Variants in ZNF282 observed in about 807,000 individuals in gnomAD.
ZNF282 encodes the protein zinc finger protein 282.
In ZNF282, 30 loss-of-function variants were observed where a neutral mutation model predicts 61.9. The ratio of observed to expected loss-of-function variants is 0.48; its 90% confidence interval spans 0.36 to 0.66. ZNF282 has a LOEUF of 0.66. ZNF282 is among the 30% of genes least tolerant of loss of function. The probability of loss-of-function intolerance (pLI) is 0.00; values close to 1 mark genes in which losing one functional copy is unlikely to be tolerated. For synonymous variants in ZNF282, 396 were observed against 405.0 expected (o/e 0.98, Z 0.27); for missense variants, 788 against 941.4 (o/e 0.84, Z 2.13).
intron 3 of ZNF282, 140 bp from the exon 4 acceptor site, chr7:149,207,211 G>T (rs562012127): frequency 9.5e-7 from 1 of 1,056,612 alleles, no homozygotes; most frequent in Admixed American, 3.8e-5. Flanking sequence ...CAGATTACCC[G>T]CCTAACTCGC....
chr7:149,201,804 A>C (rs1165892775), intron 2 of ZNF282, among the ~76,000 whole-genome samples: 1 of 152,046 alleles, frequency 6.6e-6, no homozygotes, highest in African/African-American at 2.4e-5. Context: ...ATTAGAATAA[A>C]AGCCCATGTC....
intron 7 of ZNF282, among the ~76,000 whole-genome samples, chr7:149,219,552 G>A (rs1276755772): frequency 6.6e-6 from 1 of 152,114 alleles, no homozygotes; most frequent in African/African-American, 2.4e-5. Context: ...CTCGGCAAAA[G>A]TTTTTCAATG....
Position 149,223,808 on chromosome 7 carries a change from CCA to C in ZNF282, c.1181-3_1181-2del. The C allele has an allele frequency of 6.7e-7, 1 of 1,498,590 alleles. No individual in the cohort carries two copies. Among genetic ancestry groups the C allele is most frequent in the Non-Finnish European group, 8.8e-7 (1 of 1,132,752 alleles). 92.8% of individuals were successfully genotyped at this position (1,498,590 alleles called of 1,614,324 possible). A position where few individuals can be genotyped will look rare whatever the true frequency, so the allele number is the denominator to read the frequency against. ...CAGCATGTCACTTCTTCCTATCTCCCCAGGTGACAGCCTGCTGATGGTGAAGA... is the reference window on the plus strand; with the variant it reads ...CAGCATGTCACTTCTTCCTATCTCCCGGTGACAGCCTGCTGATGGTGAAGA... On this transcript the variant is annotated splice_acceptor_variant and splice_polypyrimidine_tract_variant and intron_variant, in intron 7 of 7. Transcript: ENST00000610704. LOFTEE classifies it high-confidence loss of function.
chr7:149,198,772 G>A lies in ZNF282; in HGVS notation c.585+20G>A, dbSNP rs776174966. The A allele has an allele frequency of 6.2e-7, 1 of 1,605,410 alleles. No individual in the cohort carries two copies. The highest frequency in any genetic ancestry group is 1.3e-5 in the African/African-American group (1 of 74,488). ...CCCAAGGTATGTGGTGGTCCCTGGGGCAGGGATAGAGGTGAGGAACAGCAC... is the reference window on the plus strand; with the variant it reads ...CCCAAGGTATGTGGTGGTCCCTGGGACAGGGATAGAGGTGAGGAACAGCAC... On this transcript the variant is annotated intron_variant, in intron 2 of 7. Coordinates refer to ENST00000610704, the MANE Select transcript of ZNF282 (RefSeq NM_003575.4). The surrounding 1 kb of genome is among the most constrained non-coding windows in gnomAD (Gnocchi z 4.3).
intron 7 of ZNF282, among the ~76,000 whole-genome samples, chr7:149,219,945 G>A (rs1002699131): frequency 1.3e-5 from 2 of 152,170 alleles, no homozygotes; most frequent in Non-Finnish European, 2.9e-5. Flanking sequence ...GGCAAGTGCA[G>A]TGACTCTTGA....
chr7:149,200,124 T>G (rs1228848132), intron 2 of ZNF282, among the ~76,000 whole-genome samples: 2 of 152,220 alleles, frequency 1.3e-5, no homozygotes, highest in Non-Finnish European at 2.9e-5. Context: ...TCAGTTTATC[T>G]GGAAGGAATT....
At chr7:149,206,337 A>G (rs1054274019) in intron 2 of ZNF282, among the ~76,000 whole-genome samples, 1 of 152,178 alleles carries the variant, frequency 6.6e-6, no homozygotes, top group East Asian at 1.9e-4. Context: ...GTTTTACTCT[A>G]CCTGGCTCAC....
chr7:149,208,214 G>T (rs1283343655), intron 4 of ZNF282, among the ~76,000 whole-genome samples: 1 of 152,140 alleles, frequency 6.6e-6, no homozygotes, highest in Non-Finnish European at 1.5e-5. Flanking sequence ...CTTTGAGACA[G>T]AGTCTCATTC....
chr7:149,195,737 G>A lies in ZNF282; in HGVS notation c.148G>A (p.Gly50Arg), dbSNP rs763605797. 5.2e-6 allele frequency: 8 copies of A among 1,532,546 alleles called. No individual in the cohort carries two copies. The highest frequency in any genetic ancestry group is 4.8e-5 in the South Asian group (4 of 83,344). The allele number at this position is 1,532,546 out of a possible 1,614,324, so 94.9% of individuals were successfully genotyped here. ...EPALRGEMAEGMPPMQAQEWD... is the reference protein window; with the variant it reads ...EPALRGEMAERMPPMQAQEWD... ...GGCGCTGCGCGGGGAAATGGCCGAG[G>A]GAATGCCGCCCATGCAGGTGGGAGA... is the stretch of plus-strand genomic sequence containing the variant. Residue 50 changes from glycine (G) to arginine (R), a missense_variant, in exon 1 of 8, where the codon GGA (glycine) becomes AGA (arginine). This residue lies in a region of ZNF282 where 137 missense variants were observed against 135.4 expected (regional missense o/e 1.01). Transcript: ENST00000610704.
chr7:149,213,369 G>A (rs980812031), intron 6 of ZNF282, among the ~76,000 whole-genome samples: 7 of 152,204 alleles, frequency 4.6e-5, no homozygotes, highest in Non-Finnish European at 7.3e-5. Context: ...CCTGAGGGCC[G>A]TTATCTGGGG....
chr7:149,208,211 A>G (rs1210577822), intron 4 of ZNF282, among the ~76,000 whole-genome samples: 1 of 151,846 alleles, frequency 6.6e-6, no homozygotes, highest in Admixed American at 6.6e-5. Flanking sequence ...TTTCTTTGAG[A>G]CAGAGTCTCA....
intron 5 of ZNF282, 85 bp from the exon 6 acceptor site, chr7:149,212,273 T>G (rs1428050898): frequency 3.4e-6 from 3 of 873,356 alleles, no homozygotes; most frequent in Admixed American, 5.3e-5. Flanking sequence ...GATAATTGCA[T>G]GAAATCAGAG....
At chr7:149,211,162 C>T (rs1320068086) in intron 5 of ZNF282, among the ~76,000 whole-genome samples, 2 of 152,180 alleles carry the variant, frequency 1.3e-5, no homozygotes, top group Admixed American at 6.5e-5. Flanking sequence ...TGAGGGACCT[C>T]CTCTTAGCTG....
At chr7:149,196,144 C>A (rs992188372) in intron 1 of ZNF282, among the ~76,000 whole-genome samples, 5 of 152,178 alleles carry the variant, frequency 3.3e-5, no homozygotes, top group African/African-American at 1.2e-4. Context: ...CGCCCGGCCG[C>A]AGAAGTGAAT....
intron 6 of ZNF282, among the ~76,000 whole-genome samples, chr7:149,213,453 A>T (rs919989675): frequency 6.6e-6 from 1 of 152,068 alleles, no homozygotes; most frequent in Non-Finnish European, 1.5e-5. Context: ...CTGGGTTTTA[A>T]TCCCGGCCCT....
intron 2 of ZNF282, among the ~76,000 whole-genome samples, chr7:149,205,134 T>A (rs922938057): frequency 6.7e-6 from 1 of 148,172 alleles, no homozygotes; most frequent in Non-Finnish European, 1.5e-5. Flanking sequence ...TTCAAAAAAA[T>A]AAAAATAAAA....
At chr7:149,211,422 T>C (rs1191042956) in intron 5 of ZNF282, among the ~76,000 whole-genome samples, 7 of 152,166 alleles carry the variant, frequency 4.6e-5, no homozygotes, top group Non-Finnish European at 1.0e-4. Context: ...CCCTTTTCCT[T>C]GGGGGAGGCC....
At position 149,225,676 on chromosome 7, in the gene ZNF282, C is replaced by G. The variant is rs554805975; in HGVS notation, c.*1029C>G. On this transcript the variant is annotated 3_prime_UTR_variant, in exon 8 of 8. Coordinates refer to ENST00000610704, the MANE Select transcript of ZNF282 (RefSeq NM_003575.4). ...TGCTGTGAGAGTAGCCGTCACGTGT[C>G]TCTTCCCAGCAGCGCCGGGCAAGTG... 1.6e-4 allele frequency: 24 copies of G among 152,920 alleles called. No homozygotes were observed. The highest frequency in any genetic ancestry group is 5.3e-4 in the African/African-American group (22 of 41,580). The allele number at this position is 152,920 out of a possible 1,614,324, so 9.5% of individuals were successfully genotyped here.
rs571812308 is a variant in ZNF282 at position 149,209,378 on chromosome 7, C to T, written c.833-1207C>T. 3.9e-5 allele frequency among the ~76,000 whole-genome samples: 6 copies of T among 152,220 alleles called. No individual in the cohort carries two copies. The East Asian group carries it at 7.7e-4, about 20-fold the overall frequency. ...TTCCCTGCTCTCTTTTACCACCCCC[C>T]GCCCCTGGGAACCACTAATCGACTG... On this transcript the variant is annotated intron_variant, in intron 4 of 7. Coordinates refer to ENST00000610704, the MANE Select transcript of ZNF282 (RefSeq NM_003575.4).
Sources: gnomAD v4.1 joint callset for allele counts (sites outside exome capture counted in the v4.1 genomes callset) on GRCh38, gnomAD v4.1.1 for gene constraint, gnomAD v4.1.1 regional missense constraint, Gnocchi (gnomAD v3.1) non-coding constraint, MANE v1.5 for transcripts, NCBI Gene and HGNC (gene_info 2026-07-23, HGNC 2026-07-21) for gene names.